Variants in DIAPH2 observed in about 807,000 individuals in gnomAD.
DIAPH2 encodes diaphanous related formin 2, also known as protein diaphanous homolog 2.
Under a neutral mutation model 92.7 loss-of-function variants are expected in DIAPH2, and 35 were observed. That is an observed-to-expected ratio of 0.38 (90% CI 0.29 to 0.50). The LOEUF (loss-of-function observed/expected upper bound fraction) is 0.50, where lower values mean the gene tolerates loss of function less well. Among genes scored for constraint, DIAPH2 ranks in the 20% least tolerant of loss-of-function variants. DIAPH2 has a pLI of 0.94. For missense variants in DIAPH2, 701 were observed against 819.5 expected, an observed-to-expected ratio of 0.86 and a Z score of 1.77; for synonymous variants, 301 against 280.4, an observed-to-expected ratio of 1.07 and a Z score of -0.73.
chrX:96,999,889 C>T (rs5966850), intron 17 of DIAPH2, among the ~76,000 whole-genome samples: 43,706 of 110,173 alleles, frequency 0.4, 6,573 homozygotes, highest in South Asian at 0.54. Context: ...CAAGAACTGA[C>T]GCTTTTATAA....
intron 4 of DIAPH2, among the ~76,000 whole-genome samples, chrX:96,799,868 A>G (rs1312934264): frequency 2.7e-5 from 3 of 109,412 alleles, no homozygotes; most frequent in Non-Finnish European, 5.7e-5. Context: ...ATATATTATT[A>G]TATATAAGAT....
chrX:97,384,015 A>T lies in DIAPH2; in HGVS notation c.3116A>T (p.Lys1039Ile), dbSNP rs1223173765. ...CAAGAAAAGTTAGAACGCCAGAAGA[A>T]AAAGAAACAACTCATTGATATAAAC... ...AEQEKLERQK[K>I]KKQLIDINKE... Residue 1039 changes from lysine to isoleucine, a missense_variant, in exon 25 of 27, where the codon AAA (lysine) becomes ATA (isoleucine). Physicochemically the swap from Lys to Ile is moderately radical, Grantham distance 102 (BLOSUM62 -3). Coordinates refer to ENST00000324765, the MANE Select transcript of DIAPH2 (RefSeq NM_006729.5). 1 of 1,200,349 alleles carries T rather than the reference A, an allele frequency of 8.3e-7. No homozygotes were observed. Among genetic ancestry groups the T allele is most frequent in the Non-Finnish European group, 1.1e-6 (1 of 890,477 alleles).
intron 8 of DIAPH2, among the ~76,000 whole-genome samples, chrX:96,918,268 A>G (rs760248634): frequency 9.0e-6 from 1 of 111,561 alleles, no homozygotes; most frequent in East Asian, 2.8e-4. Flanking sequence ...TCGTACCACA[A>G]AAAAATGTAA....
At chrX:97,128,218 T>G (rs671472) in intron 21 of DIAPH2, among the ~76,000 whole-genome samples, 1,323 of 111,696 alleles carry the variant, frequency 0.012, 17 homozygotes, top group African/African-American at 0.04. Flanking sequence ...AGGGGTGGAT[T>G]ATTCATGCAT....
intron 26 of DIAPH2, among the ~76,000 whole-genome samples, chrX:97,516,401 T>C (rs761671281): frequency 3.6e-5 from 4 of 112,096 alleles, no homozygotes; most frequent in South Asian, 3.7e-4. Context: ...TCAAGACTTA[T>C]AAAAAATAAA....
chrX:97,234,169 CA>C lies in DIAPH2; in HGVS notation c.2720-13534del, dbSNP rs200048867. On this transcript the variant is annotated intron_variant, in intron 22 of 26. Transcript: ENST00000324765. The stretch of plus-strand genomic sequence containing the variant: ...AGAAACCCCGTCTCTACTAAAAATA[CA>C]AAAAAAAAAAATTAGCCAGACATGG... Among the ~76,000 whole-genome samples, 23 of 95,930 alleles carry C rather than the reference CA, an allele frequency of 2.4e-4. No homozygotes were observed. The South Asian group carries it at 4.7e-3, about 20-fold the overall frequency. 83.3% of individuals were successfully genotyped at this position (95,930 alleles called of 115,157 possible). A position where few individuals can be genotyped will look rare whatever the true frequency, so the allele number is the denominator to read the frequency against.
intron 26 of DIAPH2, chrX:97,533,262 C>T (rs1317945564): frequency 1.8e-5 from 2 of 111,187 alleles, no homozygotes; most frequent in African/African-American, 6.5e-5. Context: ...GTAATACTTC[C>T]ATCTAATCAA....
At chrX:96,904,669 T>G (rs1287161097) in intron 5 of DIAPH2, among the ~76,000 whole-genome samples, 5 of 111,833 alleles carry the variant, frequency 4.5e-5, no homozygotes, top group Non-Finnish European at 9.4e-5. Flanking sequence ...ACTGAATATG[T>G]GATACTGTTT....
intron 17 of DIAPH2, among the ~76,000 whole-genome samples, chrX:96,991,540 T>TG (rs1229681285): frequency 3.7e-5 from 1 of 27,009 alleles, no homozygotes; most frequent in East Asian, 1.3e-3. Flanking sequence ...TTTTATGGTG[T>TG]TTTTTTTTTT....
intron 23 of DIAPH2, among the ~76,000 whole-genome samples, chrX:97,295,784 T>G (rs1301756536): frequency 3.7e-5 from 4 of 106,807 alleles, no homozygotes; most frequent in African/African-American, 1.4e-4. Flanking sequence ...TATGCTGGAG[T>G]GCAATGGCCT....
At chrX:96,928,835 G>A (rs1401003221) in intron 9 of DIAPH2, among the ~76,000 whole-genome samples, 1 of 111,164 alleles carries the variant, frequency 9.0e-6, no homozygotes, top group African/African-American at 3.3e-5. Flanking sequence ...TTCATACATT[G>A]TATGTAAAGT....
chrX:96,877,845 C>A (rs370402671), intron 4 of DIAPH2, among the ~76,000 whole-genome samples: 156 of 112,359 alleles, frequency 1.4e-3, no homozygotes, highest in African/African-American at 4.8e-3. Flanking sequence ...TGACTAGTAT[C>A]TCCATCCTAA....
intron 25 of DIAPH2, among the ~76,000 whole-genome samples, chrX:97,419,939 T>G (rs765756379): frequency 2.9e-4 from 32 of 111,761 alleles, no homozygotes; most frequent in African/African-American, 1.0e-3. Context: ...ATGATTCTGA[T>G]AAGACACACG....
chrX:97,473,327 A>T (rs1402910345), intron 26 of DIAPH2, among the ~76,000 whole-genome samples: 1 of 110,824 alleles, frequency 9.0e-6, no homozygotes. Context: ...TTTTTAAAAA[A>T]TTAATTAATT....
chrX:97,303,565 G>A (rs1265468139), intron 23 of DIAPH2, among the ~76,000 whole-genome samples: 2 of 111,331 alleles, frequency 1.8e-5, no homozygotes, highest in Non-Finnish European at 3.8e-5. Flanking sequence ...TATTTATTGA[G>A]TTTAGTGCTC....
intron 4 of DIAPH2, among the ~76,000 whole-genome samples, chrX:96,864,313 C>A (rs1433860805): frequency 1.1e-5 from 1 of 94,709 alleles, no homozygotes; most frequent in African/African-American, 3.8e-5. Flanking sequence ...TTTTTTTTAA[C>A]CACATGGCTT....
chrX:97,035,933 C>A (rs2066407850), intron 17 of DIAPH2, among the ~76,000 whole-genome samples: 1 of 108,536 alleles, frequency 9.2e-6, no homozygotes, highest in South Asian at 4.1e-4. Context: ...CCCCTGAGAC[C>A]CTGTCTCCAA....
intron 17 of DIAPH2, among the ~76,000 whole-genome samples, chrX:96,992,651 A>G (rs1410926652): frequency 8.9e-6 from 1 of 112,299 alleles, no homozygotes; most frequent in Admixed American, 9.4e-5. Flanking sequence ...TTAAGGTATT[A>G]TTCCGATGTT....
At chrX:96,763,120 G>A (rs192843521) in intron 4 of DIAPH2, 4 of 958,210 alleles carry the variant, frequency 4.2e-6, no homozygotes, top group East Asian at 7.7e-5. Context: ...GTAAAGTTAC[G>A]GTGAGTACAA....
Sources: gnomAD v4.1 joint callset for allele counts (sites outside exome capture counted in the v4.1 genomes callset) on GRCh38, gnomAD v4.1.1 for gene constraint, MANE v1.5 for transcripts, NCBI Gene and HGNC (gene_info 2026-07-23, HGNC 2026-07-21) for gene names.